Variants in PAM observed in about 807,000 individuals in gnomAD.
PAM encodes peptidylglycine alpha-amidating monooxygenase.
A neutral mutation model predicts 122.1 loss-of-function variants in PAM; 72 were observed. The observed-to-expected ratio is 0.59, with a 90% CI of 0.49 to 0.72. PAM has a LOEUF of 0.72. Ranked by LOEUF, PAM falls within the 30% of genes least tolerant of loss-of-function variation. PAM has a pLI of 0.00. For missense variants in PAM, 1,106 were observed against 1,183.7 expected, an observed-to-expected ratio of 0.93 and a Z score of 0.96; for synonymous variants, 389 against 404.4, an observed-to-expected ratio of 0.96 and a Z score of 0.46.
Position 103,019,897 on chromosome 5 carries a change from C to A in PAM, c.2485+54C>A, listed in dbSNP as rs1177949904. Reference sequence around the variant, plus strand: ...AACCAAAGTCTGGCTGTGTTGAATTCTTTTATGGCCCTTGATTGCAACTTA... The same window carrying A: ...AACCAAAGTCTGGCTGTGTTGAATTATTTTATGGCCCTTGATTGCAACTTA... On this transcript the variant is annotated intron_variant, in intron 23 of 25. Transcript: ENST00000438793. 24 of 1,015,244 alleles carry A rather than the reference C, an allele frequency of 2.4e-5. 1 individual carries two copies. The highest frequency in any genetic ancestry group is 2.1e-4 in the Middle Eastern group (1 of 4,846). The allele number at this position is 1,015,244 out of a possible 1,614,324, so 62.9% of individuals were successfully genotyped here. A position where few individuals can be genotyped will look rare whatever the true frequency, so the allele number is the denominator to read the frequency against.
At chr5:102,758,480 A>C (rs1052160548) in intron 1 of PAM, among the ~76,000 whole-genome samples, 1 of 152,192 alleles carries the variant, frequency 6.6e-6, no homozygotes, top group South Asian at 2.1e-4. Context: ...TCTTGTGTGT[A>C]TAAGAACTTT....
intron 1 of PAM, among the ~76,000 whole-genome samples, chr5:102,822,099 A>G (rs1204924787): frequency 2.0e-5 from 3 of 152,156 alleles, no homozygotes; most frequent in Non-Finnish European, 4.4e-5. Context: ...CAAAGAGAAA[A>G]TTGTCAGGCA....
intron 16 of PAM, among the ~76,000 whole-genome samples, chr5:102,995,970 C>T (rs1775577353): frequency 6.6e-6 from 1 of 151,848 alleles, no homozygotes; most frequent in Non-Finnish European, 1.5e-5. Flanking sequence ...TCTCTAGCTT[C>T]TTAATTTATA....
intron 6 of PAM, among the ~76,000 whole-genome samples, chr5:102,925,390 A>G (rs946310067): frequency 6.6e-6 from 1 of 152,234 alleles, no homozygotes; most frequent in Non-Finnish European, 1.5e-5. Context: ...TGTTTCAGCA[A>G]AGAATTTTTT....
chr5:103,027,786 A>G (rs1199850687), intron 24 of PAM, among the ~76,000 whole-genome samples: 1 of 152,138 alleles, frequency 6.6e-6, no homozygotes, highest in African/African-American at 2.4e-5. Flanking sequence ...ATTATTAATA[A>G]CATTTCCTGA....
At chr5:102,901,127 T>C (rs997439737) in intron 3 of PAM, among the ~76,000 whole-genome samples, 23 of 151,564 alleles carry the variant, frequency 1.5e-4, no homozygotes, top group African/African-American at 4.4e-4. Context: ...CTCATGATGA[T>C]TGGCTTTATA....
rs74678637 is a variant in PAM, at chr5:102,928,146, C to T, written c.526+1478C>T. ...CAACTAAAGTAGCTCATCATACTGG[C>T]GCAGGTTCCCGCAAACCCTAATCTC... is the stretch of plus-strand genomic sequence containing the variant. On this transcript the variant is annotated intron_variant, in intron 7 of 25. Transcript: ENST00000438793. 6.7e-3 allele frequency among the ~76,000 whole-genome samples: 1,013 copies of T among 152,242 alleles called. 9 individuals carry two copies. The highest frequency in any genetic ancestry group is 0.012 in the Non-Finnish European group (843 of 67,992).
chr5:102,847,402 G>A (rs928693802), intron 1 of PAM, among the ~76,000 whole-genome samples: 2 of 152,146 alleles, frequency 1.3e-5, no homozygotes, highest in African/African-American at 4.8e-5. Context: ...TCATGCCACT[G>A]CACTCCAGCC....
At chr5:102,811,700 C>T (rs1767956126) in intron 1 of PAM, among the ~76,000 whole-genome samples, 1 of 152,188 alleles carries the variant, frequency 6.6e-6, no homozygotes. Flanking sequence ...TAAATTCACA[C>T]ATCTGATATT....
At position 102,882,052 on chromosome 5, in the gene PAM, AATAT is replaced by A. The variant is rs61367764; in HGVS notation, c.210+14715_210+14718del. 1.3e-3 allele frequency among the ~76,000 whole-genome samples: 81 copies of A among 61,944 alleles called. 1 individual carries two copies. The highest frequency in any genetic ancestry group is 1.8e-3 in the African/African-American group (34 of 18,502). 40.6% of individuals were successfully genotyped at this position (61,944 alleles called of 152,430 possible). A position where few individuals can be genotyped will look rare whatever the true frequency, so the allele number is the denominator to read the frequency against. ...GTGGCTGAGTAGTATTCCATCGTGG[AATAT>A]ATATATATATATATATATATATATA... On this transcript the variant is annotated intron_variant, in intron 3 of 25. Coordinates refer to ENST00000438793, the MANE Select transcript of PAM (RefSeq NM_001177306.2).
At chr5:102,781,555 G>T (rs567455527) in intron 1 of PAM, among the ~76,000 whole-genome samples, 2 of 152,276 alleles carry the variant, frequency 1.3e-5, no homozygotes, top group South Asian at 4.1e-4. Flanking sequence ...CATGGCTTTG[G>T]TGTCCCCTGT....
chr5:102,972,124 T>C (rs917015400), intron 14 of PAM, among the ~76,000 whole-genome samples: 2 of 152,124 alleles, frequency 1.3e-5, no homozygotes, highest in Non-Finnish European at 2.9e-5. Flanking sequence ...CCTGAATGAC[T>C]ATGCATAGTT....
At chr5:102,994,796 T>A (rs1299703665) in intron 16 of PAM, among the ~76,000 whole-genome samples, 1 of 152,144 alleles carries the variant, frequency 6.6e-6, no homozygotes, top group Non-Finnish European at 1.5e-5. Context: ...ATTATTTTAA[T>A]CTTAATTAGC....
chr5:102,986,342 C>T (rs150464584), intron 15 of PAM, among the ~76,000 whole-genome samples: 1 of 152,248 alleles, frequency 6.6e-6, no homozygotes, highest in East Asian at 1.9e-4. Flanking sequence ...AACCTTAAGA[C>T]TTCTCCAAGA....
chr5:102,946,674 A>C (rs971534429), intron 7 of PAM, among the ~76,000 whole-genome samples, 163 bp from the exon 8 acceptor site: 2 of 151,404 alleles, frequency 1.3e-5, no homozygotes, highest in African/African-American at 4.9e-5. Context: ...CAATTAAAGG[A>C]ATTACTGGAT....
intron 3 of PAM, among the ~76,000 whole-genome samples, chr5:102,886,147 A>C (rs1024773221): frequency 2.6e-5 from 4 of 152,074 alleles, no homozygotes; most frequent in African/African-American, 9.7e-5. Context: ...ATCATGGTTA[A>C]GAATTTATAG....
At chr5:102,886,652 A>G (rs1793202959) in intron 3 of PAM, among the ~76,000 whole-genome samples, 1 of 152,042 alleles carries the variant, frequency 6.6e-6, no homozygotes, top group African/African-American at 2.4e-5. Context: ...TTATATTGTC[A>G]CTAATTATAG....
intron 21 of PAM, among the ~76,000 whole-genome samples, chr5:103,011,311 C>T (rs1040122130): frequency 7.9e-5 from 12 of 152,032 alleles, no homozygotes; most frequent in Middle Eastern, 3.4e-3. Context: ...GAATAACCAT[C>T]ATCCTGATTA....
At chr5:102,801,644 G>C (rs1220683288) in intron 1 of PAM, among the ~76,000 whole-genome samples, 1 of 152,090 alleles carries the variant, frequency 6.6e-6, no homozygotes, top group East Asian at 1.9e-4. Context: ...GTCTTCTTAG[G>C]CTGCAGGCAT....
Sources: allele counts gnomAD v4.1 joint callset (sites outside exome capture counted in the v4.1 genomes callset), GRCh38; gene constraint gnomAD v4.1.1; transcripts MANE v1.5; gene names NCBI Gene and HGNC (gene_info 2026-07-23, HGNC 2026-07-21).